PSMD3: variants seen among roughly 807,000 people sequenced by gnomAD.
The protein encoded by PSMD3 is proteasome 26S subunit, non-ATPase 3.
PSMD3 carries 5 observed loss-of-function variants against 62.8 expected under a neutral mutation model. The ratio of observed to expected loss-of-function variants is 0.08; its 90% CI spans 0.04 to 0.17. The LOEUF (loss-of-function observed/expected upper bound fraction) is 0.17, where lower values mean the gene tolerates loss of function less well. PSMD3 is among the 10% of genes least tolerant of loss of function. PSMD3 has a pLI of 1.00. For synonymous variants in PSMD3, 265 were observed against 283.9 expected (o/e 0.93, Z 0.67); for missense variants, 524 against 713.6 (o/e 0.73, Z 3.03).
chr17:39,992,030 A>AAAAAAAAAAAAAAAAAAAAAAAAAAAAC, intron 6 of PSMD3, among the ~76,000 whole-genome samples: 1 of 151,642 alleles, frequency 6.6e-6, no homozygotes, highest in Non-Finnish European at 1.5e-5. Flanking sequence ...GTCTCAAAAA[A>AAAAAAAAAAAAAAAAAAAAAAAAAAAAC]AAACAAACAT....
At chr17:39,994,831 G>T (rs906971903) in intron 6 of PSMD3, 123 bp from the exon 7 acceptor site, 2 of 802,126 alleles carry the variant, frequency 2.5e-6, no homozygotes, top group African/African-American at 1.7e-5. Context: ...CCTCTCTCTG[G>T]GCCTAAACAG....
At chr17:39,988,093 G>A (rs1980568572) in intron 3 of PSMD3, among the ~76,000 whole-genome samples, 1 of 142,898 alleles carries the variant, frequency 7.0e-6, no homozygotes, top group Non-Finnish European at 1.5e-5. Flanking sequence ...GTGACAGAGC[G>A]AGACTCCGTC....
At chr17:39,986,938 G>C (rs557982595) in intron 3 of PSMD3, among the ~76,000 whole-genome samples, 1 of 152,178 alleles carries the variant, frequency 6.6e-6, no homozygotes, top group Non-Finnish European at 1.5e-5. Context: ...GTACCGGTCT[G>C]TGGGGGATAC....
rs1053325810 is a variant in PSMD3 at position 39,997,638 on chromosome 17, G to A, written c.*57G>A. On this transcript the variant is annotated 3_prime_UTR_variant, in exon 12 of 12. Transcript: ENST00000264639. ...GGGACAGGCTCTTTCCCCCTTGGGG[G>A]TCCCCTGCCCAGGGCACTGTCCCCA... 1.2e-5 allele frequency: 19 copies of A among 1,570,682 alleles called. No individual in the cohort carries two copies. The Admixed American group carries it at 2.6e-4, about 21-fold the overall frequency.
rs746566248 is a variant in PSMD3, at chr17:39,997,783, AG to A, written c.*205del. 1.1e-5 allele frequency: 7 copies of A among 628,280 alleles called. No homozygotes were observed. Among genetic ancestry groups the A allele is most frequent in the Non-Finnish European group, 1.7e-5 (6 of 362,062 alleles). The allele number at this position is 628,280 out of a possible 1,614,324, so 38.9% of individuals were successfully genotyped here. ...GGTGACTTACTGTACAGCAGGCAGG[AG>A]GGTGGGCAGGCAACCTCCCCGGGCA... is the stretch of plus-strand genomic sequence containing the variant. On this transcript the variant is annotated 3_prime_UTR_variant, in exon 12 of 12. Transcript: ENST00000264639.
At position 39,986,673 on chromosome 17, in the gene PSMD3, C is replaced by T. The variant is rs1024956557; in HGVS notation, c.510C>T (p.Leu170=). ...AAGTGGAAGCCTATCTCCAACTCCT[C>T]GTGGTCATCTTCATGATGAACAGCA... ...LPEVEAYLQL[L]VVIFMMNSKR... The change falls in exon 3 of 12, where the codon CTC becomes CTT. Residue 170 remains leucine, a synonymous_variant. Coordinates refer to ENST00000264639, the MANE Select transcript of PSMD3 (RefSeq NM_002809.4). 5 of 1,614,056 alleles carry T rather than the reference C, an allele frequency of 3.1e-6. No homozygotes were observed. Among genetic ancestry groups the T allele is most frequent in the East Asian group, 2.2e-5 (1 of 44,894 alleles).
chr17:39,985,774 C>T (rs1485736439), intron 2 of PSMD3, among the ~76,000 whole-genome samples: 2 of 152,232 alleles, frequency 1.3e-5, no homozygotes, highest in Non-Finnish European at 1.5e-5. Context: ...GACTGTAACA[C>T]ATTATTTTTT....
rs371546214 is a variant in PSMD3, at chr17:39,988,811, G to C, written c.678G>C (p.Val226=). 6.2e-7 allele frequency: 1 copy of C among 1,613,702 alleles called. No homozygotes were observed. Among genetic ancestry groups the C allele is most frequent in the East Asian group, 2.2e-5 (1 of 44,880 alleles). Residue 226 remains valine (V), a synonymous_variant, in exon 4 of 12, where the codon GTG becomes GTC. Transcript: ENST00000264639. The part of the protein sequence containing the change: ...RVYEFLDKLD[V]VRSFLHARLR... ...ATGAGTTCCTGGACAAGCTGGATGT[G>C]GTGCGCAGGTACAGGCAGCCAAGCA...
chr17:39,981,072 T>C lies in PSMD3; in HGVS notation c.102T>C (p.Asp34=). The stretch of plus-strand genomic sequence containing the variant: ...CCCCACCGCCGCCGGCCCCCCAGGA[T>C]GTGGAGATGAAAGAGGAGGCAGCGA... ...QEPPPPPAPQ[D]VEMKEEAATG... is the part of the protein sequence containing the mutation. The change falls in exon 1 of 12, where the codon GAT becomes GAC. Residue 34 remains aspartate, a synonymous_variant. Transcript: ENST00000264639. 4.5e-6 allele frequency: 7 copies of C among 1,550,168 alleles called. No homozygotes were observed. Among genetic ancestry groups the C allele is most frequent in the Non-Finnish European group, 5.2e-6 (6 of 1,146,606 alleles).
chr17:39,996,658 T>G lies in PSMD3; in HGVS notation c.1476+320T>G. The G allele has an allele frequency of 1.9e-6, 1 of 528,246 alleles. No homozygotes were observed. Among genetic ancestry groups the G allele is most frequent in the Non-Finnish European group, 3.6e-6 (1 of 274,932 alleles). 32.7% of individuals were successfully genotyped at this position (528,246 alleles called of 1,614,324 possible). ...TCTCAAAGCTCTGTTTCTCCATCTC[T>G]GAAGCTGATAGGGAGGTGTTACCTG... On this transcript the variant is annotated intron_variant, in intron 10 of 11. Transcript: ENST00000264639. The surrounding 1 kb of genome is among the most constrained non-coding windows in gnomAD (Gnocchi z 5.1).
In PSMD3 at chr17:39,996,963, T is replaced by C. The variant is rs1359471049; in HGVS notation, c.1477-367T>C. On this transcript the variant is annotated intron_variant, in intron 10 of 11. Transcript: ENST00000264639. This position sits in a 1 kb window ranked among gnomAD's most constrained non-coding sequence, Gnocchi z 5.1. ...GCCCTTTGTGACCTGGTCCCTTAGG[T>C]CAAGCCTCCCCTCCCACTCCTGCCC... Among the ~76,000 whole-genome samples, 2 of 151,990 alleles carry C rather than the reference T, an allele frequency of 1.3e-5. No individual in the cohort carries two copies. The highest frequency in any genetic ancestry group is 4.8e-5 in the African/African-American group (2 of 41,380).
intron 4 of PSMD3, 70 bp from the exon 5 acceptor site, chr17:39,989,669 A>C: frequency 7.1e-7 from 1 of 1,405,920 alleles, no homozygotes; most frequent in Non-Finnish European, 9.7e-7. Flanking sequence ...ATTGAGAAAG[A>C]GCGAAGAGTT....
At position 39,986,605 on chromosome 17, in the gene PSMD3, C is replaced by T. The variant is rs1280752700; in HGVS notation, c.442C>T (p.Arg148Cys). 24 of 1,614,060 alleles carry T rather than the reference C, an allele frequency of 1.5e-5. No individual in the cohort carries two copies. Among genetic ancestry groups the T allele is most frequent in the East Asian group, 2.2e-5 (1 of 44,900 alleles). The part of the protein sequence containing the change: ...PMDTEADLQF[R>C]PRTGKAASTP... Reference sequence around the variant, plus strand: ...GGACACAGAGGCTGATTTACAGTTCCGTCCCCGCACGGGAAAAGCTGCGTC... The same window carrying T: ...GGACACAGAGGCTGATTTACAGTTCTGTCCCCGCACGGGAAAAGCTGCGTC... Residue 148 changes from arginine to cysteine, a missense_variant, in exon 3 of 12, where the codon CGT (arginine) becomes TGT (cysteine). By Grantham distance (180) the Arg-to-Cys change is radical. Around this residue, in one of 4 missense-constraint regions of PSMD3, gnomAD observed 396 missense variants for 475.8 expected, o/e 0.83. Coordinates refer to ENST00000264639, the MANE Select transcript of PSMD3 (RefSeq NM_002809.4).
intron 4 of PSMD3, among the ~76,000 whole-genome samples, chr17:39,989,216 C>T (rs1481105144): frequency 2.0e-5 from 3 of 152,170 alleles, no homozygotes; most frequent in Admixed American, 2.0e-4. Context: ...TTTTGACCTC[C>T]CAGACTTCAC....
At chr17:39,990,005 C>T (rs1980617033) in intron 5 of PSMD3, 76 bp downstream of exon 5, 2 of 1,568,800 alleles carry the variant, frequency 1.3e-6, no homozygotes, top group African/African-American at 2.9e-5. Flanking sequence ...AGGGGTGGTG[C>T]ATAAGAGGCC....
chr17:39,984,237 G>A, intron 1 of PSMD3, 57 bp from the exon 2 acceptor site: 1 of 1,130,998 alleles, frequency 8.8e-7, no homozygotes, highest in Non-Finnish European at 1.3e-6. Flanking sequence ...TCCTTGCCTG[G>A]AGTGGTGGGG....
intron 1 of PSMD3, among the ~76,000 whole-genome samples, chr17:39,982,344 T>C (rs1980409250): frequency 6.6e-6 from 1 of 152,230 alleles, no homozygotes; most frequent in African/African-American, 2.4e-5. Context: ...GCAGAAATTG[T>C]GGAATGTATG....
chr17:39,983,451 C>T (rs997854562), intron 1 of PSMD3, among the ~76,000 whole-genome samples: 9 of 152,024 alleles, frequency 5.9e-5, no homozygotes, highest in East Asian at 1.9e-4. Flanking sequence ...TATGTTAGTT[C>T]GTCTCCATTT....
In PSMD3 at chr17:39,997,610, A is replaced by G. The variant is rs1244185368; in HGVS notation, c.*29A>G. On this transcript the variant is annotated 3_prime_UTR_variant, in exon 12 of 12. Coordinates refer to ENST00000264639, the MANE Select transcript of PSMD3 (RefSeq NM_002809.4). ...GGGGGGCTGGGGAGGGGTAGGGGGA[A>G]TGGGGACAGGCTCTTTCCCCCTTGG... 1 of 1,392,240 alleles carries G rather than the reference A, an allele frequency of 7.2e-7. No homozygotes were observed. Among genetic ancestry groups the G allele is most frequent in the South Asian group, 1.2e-5 (1 of 86,586 alleles). The allele number at this position is 1,392,240 out of a possible 1,614,324, so 86.2% of individuals were successfully genotyped here.
Sources: gnomAD v4.1 joint callset for allele counts (sites outside exome capture counted in the v4.1 genomes callset) on GRCh38, gnomAD v4.1.1 for gene constraint, gnomAD v4.1.1 regional missense constraint, Gnocchi (gnomAD v3.1) non-coding constraint, MANE v1.5 for transcripts, NCBI Gene and HGNC (gene_info 2026-07-23, HGNC 2026-07-21) for gene names.